Variants in KCNN3 observed in about 807,000 individuals in gnomAD.
KCNN3 encodes small conductance calcium-activated potassium channel protein 3.
In KCNN3, 16 loss-of-function variants were observed where a neutral mutation model predicts 62.9. The ratio of observed to expected loss-of-function variants is 0.25; its 90% confidence interval spans 0.17 to 0.39. The LOEUF is 0.39. KCNN3 is among the 10% of genes least tolerant of loss of function. The probability of loss-of-function intolerance (pLI) is 1.00; values close to 1 mark genes in which losing one functional copy is unlikely to be tolerated. For synonymous variants in KCNN3, 370 were observed against 389.2 expected, an observed-to-expected ratio of 0.95 and a Z score of 0.58; for missense variants, 599 against 949.4, an observed-to-expected ratio of 0.63 and a Z score of 4.85.
intron 1 of KCNN3, among the ~76,000 whole-genome samples, chr1:154,825,772 A>C (rs1173748184): frequency 3.3e-5 from 5 of 151,736 alleles, no homozygotes; most frequent in Admixed American, 6.6e-5. Context: ...AGCCACTAAA[A>C]ACACTTCTGC....
chr1:154,726,991 T>C (rs1700482878), intron 4 of KCNN3, among the ~76,000 whole-genome samples: 1 of 152,224 alleles, frequency 6.6e-6, no homozygotes, highest in Admixed American at 6.5e-5. Flanking sequence ...CATTCCAACA[T>C]TCTCCCAATG....
At position 154,771,040 on chromosome 1, in the gene KCNN3, G is replaced by C. The variant is rs113887494; in HGVS notation, c.1448+935C>G. Among the ~76,000 whole-genome samples the C allele has an allele frequency of 1.3e-5, 2 of 151,446 alleles. 1 individual carries two copies. Among genetic ancestry groups the C allele is most frequent in the African/African-American group, 4.9e-5 (2 of 41,164 alleles). ...CCACTGCACTCCAGCCTGGGCGAGA[G>C]AGCGAGACTCCATCTCAGATAAATA... is the stretch of plus-strand genomic sequence containing the variant. On this transcript the variant is annotated intron_variant, in intron 3 of 7. Transcript: ENST00000271915.
chr1:154,798,877 T>C (rs113001572), intron 2 of KCNN3, among the ~76,000 whole-genome samples: 25 of 151,174 alleles, frequency 1.7e-4, no homozygotes, highest in African/African-American at 5.6e-4. Flanking sequence ...ACCATTGCTA[T>C]GAACTAACAG....
intron 1 of KCNN3, among the ~76,000 whole-genome samples, chr1:154,842,658 A>C: frequency 8.8e-6 from 1 of 114,018 alleles, no homozygotes; most frequent in East Asian, 3.6e-4. Flanking sequence ...CTCCTCTGTG[A>C]GCTTTCCCCG....
chr1:154,825,451 T>C (rs1651067064), intron 1 of KCNN3, among the ~76,000 whole-genome samples: 1 of 149,572 alleles, frequency 6.7e-6, no homozygotes, highest in Non-Finnish European at 1.5e-5. Context: ...CTGCAAGCTC[T>C]GCCTGCCGGG....
At chr1:154,806,527 C>T (rs1032872540) in intron 2 of KCNN3, among the ~76,000 whole-genome samples, 2 of 152,308 alleles carry the variant, frequency 1.3e-5, no homozygotes, top group East Asian at 3.9e-4. Context: ...TAGACGGCAG[C>T]AGAGCTGAGA....
intron 1 of KCNN3, among the ~76,000 whole-genome samples, chr1:154,851,606 A>G (rs1652302119): frequency 6.6e-6 from 1 of 152,004 alleles, no homozygotes; most frequent in Admixed American, 6.6e-5. Context: ...TTCTCTCACC[A>G]CTGCCTGACC....
chr1:154,795,956 A>C (rs1338220185), intron 2 of KCNN3, among the ~76,000 whole-genome samples: 2 of 152,206 alleles, frequency 1.3e-5, no homozygotes, highest in East Asian at 3.9e-4. Context: ...ACTGTATTCT[A>C]AGGACAAGGA....
In KCNN3 at chr1:154,870,092, T is replaced by C; in HGVS notation, c.-128A>G. ...CAGTATCTTGGCTCCAGTCCTCTCT[T>C]TGGCTTGCTTCGGTTCTCTGGGGCT... On this transcript the variant is annotated 5_prime_UTR_variant, in exon 1 of 8. Coordinates refer to ENST00000271915, the MANE Select transcript of KCNN3 (RefSeq NM_002249.6). The C allele has an allele frequency of 8.7e-7, 1 of 1,155,524 alleles. No individual in the cohort carries two copies. Among genetic ancestry groups the C allele is most frequent in the Non-Finnish European group, 1.3e-6 (1 of 787,022 alleles). 71.6% of individuals were successfully genotyped at this position (1,155,524 alleles called of 1,614,324 possible).
chr1:154,767,489 G>A (rs1264807466), intron 3 of KCNN3, among the ~76,000 whole-genome samples: 2 of 152,218 alleles, frequency 1.3e-5, no homozygotes, highest in African/African-American at 4.8e-5. Flanking sequence ...GGGAGGCCTT[G>A]TTGCTCCTCC....
intron 1 of KCNN3, among the ~76,000 whole-genome samples, chr1:154,860,929 C>T (rs1278363269): frequency 1.3e-5 from 2 of 151,246 alleles, no homozygotes; most frequent in African/African-American, 4.9e-5. Flanking sequence ...CCCAGAGCGC[C>T]CATCACTGGT....
Position 154,869,261 on chromosome 1 carries a change from T to C in KCNN3, c.704A>G (p.His235Arg), listed in dbSNP as rs781691180. 17 of 1,613,508 alleles carry C rather than the reference T, an allele frequency of 1.1e-5. No homozygotes were observed. The highest frequency in any genetic ancestry group is 5.4e-5 in the African/African-American group (4 of 74,724). ...EDNHAHQTLL[H>R]HPNATHNHQH... The stretch of plus-strand genomic sequence containing the variant: ...GTGGTTGTGGGTGGCATTAGGGTGA[T>C]GGAGCAGGGTCTGGTGGGCATGGTT... Residue 235 changes from histidine (H) to arginine (R), a missense_variant, in exon 1 of 8, where the codon CAT (histidine) becomes CGT (arginine). This residue lies in a region of KCNN3 where 80 missense variants were observed against 85.4 expected (regional missense o/e 0.94). Coordinates refer to ENST00000271915, the MANE Select transcript of KCNN3 (RefSeq NM_002249.6). This position sits in a 1 kb window ranked among gnomAD's most constrained non-coding sequence, Gnocchi z 6.1.
At chr1:154,773,038 G>A (rs1648638805) in intron 2 of KCNN3, among the ~76,000 whole-genome samples, 1 of 152,098 alleles carries the variant, frequency 6.6e-6, no homozygotes, top group Non-Finnish European at 1.5e-5. Context: ...TAGGTTCAGG[G>A]GTACATGTGC....
At position 154,847,496 on chromosome 1, in the gene KCNN3, C is replaced by T. The variant is rs1012553493; in HGVS notation, c.933+21536G>A. ...AAGACCCCGCTCTCCTGATGCCACA[C>T]TGGGGTTGCCTGCAGGGAGGCTGGT... On this transcript the variant is annotated intron_variant, in intron 1 of 7. Transcript: ENST00000271915. Among the ~76,000 whole-genome samples, 9 of 152,220 alleles carry T rather than the reference C, an allele frequency of 5.9e-5. No homozygotes were observed. The East Asian group carries it at 1.7e-3, about 29-fold the overall frequency.
At chr1:154,725,088 T>A (rs1700433491) in intron 5 of KCNN3, among the ~76,000 whole-genome samples, 1 of 152,130 alleles carries the variant, frequency 6.6e-6, no homozygotes, top group Non-Finnish European at 1.5e-5. Context: ...TCTCTTGACC[T>A]CATGCTCCGC....
At chr1:154,859,490 C>T (rs569827037) in intron 1 of KCNN3, among the ~76,000 whole-genome samples, 5 of 152,190 alleles carry the variant, frequency 3.3e-5, no homozygotes, top group East Asian at 3.9e-4. Flanking sequence ...CACTGAGGCT[C>T]GGAGAGTTTG....
At chr1:154,753,904 T>C (rs1213158044) in intron 3 of KCNN3, among the ~76,000 whole-genome samples, 1 of 152,158 alleles carries the variant, frequency 6.6e-6, no homozygotes, top group African/African-American at 2.4e-5. Flanking sequence ...CAGGTGCTTA[T>C]TTAATAGAGG....
intron 3 of KCNN3, among the ~76,000 whole-genome samples, chr1:154,746,216 G>A (rs1700931671): frequency 6.6e-6 from 1 of 152,224 alleles, no homozygotes; most frequent in Non-Finnish European, 1.5e-5. Context: ...CAGACACCAA[G>A]CAACACCAAG....
intron 1 of KCNN3, among the ~76,000 whole-genome samples, chr1:154,839,335 A>G (rs1429638518): frequency 3.3e-5 from 5 of 152,182 alleles, no homozygotes; most frequent in Non-Finnish European, 1.5e-5. Flanking sequence ...CCAAAGGAGC[A>G]CTGAGCCTCC....
Sources: allele counts gnomAD v4.1 joint callset (sites outside exome capture counted in the v4.1 genomes callset), GRCh38; gene constraint gnomAD v4.1.1; regional missense constraint gnomAD v4.1.1; non-coding constraint Gnocchi (gnomAD v3.1); transcripts MANE v1.5; gene names NCBI Gene and HGNC (gene_info 2026-07-23, HGNC 2026-07-21).